Variants in SPAG16 observed in about 807,000 individuals in gnomAD.
SPAG16 encodes the protein sperm associated antigen 16.
SPAG16 carries 86 observed loss-of-function variants against 80.4 expected under a neutral mutation model. The observed-to-expected ratio is 1.07, with a 90% confidence interval of 0.90 to 1.28. The LOEUF (loss-of-function observed/expected upper bound fraction) is 1.28. SPAG16 is among the 50% of genes most tolerant of loss of function. The pLI, the probability that SPAG16 is intolerant of heterozygous loss-of-function variation, is 0.00. For missense variants in SPAG16, 870 were observed against 765.3 expected (o/e 1.14, Z -1.61); for synonymous variants, 294 against 265.9 (o/e 1.11, Z -1.03).
chr2:213,609,296 T>C (rs1025464728), intron 10 of SPAG16, among the ~76,000 whole-genome samples: 7 of 152,096 alleles, frequency 4.6e-5, no homozygotes, highest in African/African-American at 1.7e-4. Flanking sequence ...ACCATTTCAC[T>C]TACTTTTGGC....
chr2:214,403,050 A>T (rs1701801952), intron 15 of SPAG16, among the ~76,000 whole-genome samples: 2 of 151,194 alleles, frequency 1.3e-5, no homozygotes, highest in South Asian at 2.1e-4. Flanking sequence ...CAATCCAAAA[A>T]AAAAAAAAAA....
In SPAG16 at chr2:213,819,460, A is replaced by G. The variant is rs545788128; in HGVS notation, c.1071-43025A>G. Among the ~76,000 whole-genome samples, 10 of 152,252 alleles carry G rather than the reference A, an allele frequency of 6.6e-5. No homozygotes were observed. In the South Asian group the frequency reaches 2.1e-3, roughly 32 times the overall value. ...TCAGAAGGTAGATGGGAACTATTTT[A>G]TGTTCACTCTTATATTCTCAGTTAA... On this transcript the variant is annotated intron_variant, in intron 10 of 15. Transcript: ENST00000331683.
At chr2:213,372,970 G>T (rs920158417) in intron 8 of SPAG16, among the ~76,000 whole-genome samples, 1 of 152,096 alleles carries the variant, frequency 6.6e-6, no homozygotes, top group Admixed American at 6.6e-5. Flanking sequence ...GCACTGGAAG[G>T]TACAATAAAT....
At chr2:213,502,590 A>G (rs1029567975) in intron 10 of SPAG16, among the ~76,000 whole-genome samples, 1 of 152,276 alleles carries the variant, frequency 6.6e-6, no homozygotes, top group Non-Finnish European at 1.5e-5. Context: ...TTAAGAGATC[A>G]GCAAACAGTT....
intron 13 of SPAG16, among the ~76,000 whole-genome samples, chr2:214,050,568 A>G (rs1040400843): frequency 6.6e-6 from 1 of 151,956 alleles, no homozygotes; most frequent in Non-Finnish European, 1.5e-5. Context: ...CAGAATTGGG[A>G]CTCTTTTTAA....
chr2:213,820,792 T>C (rs2125692882), intron 10 of SPAG16, among the ~76,000 whole-genome samples: 1 of 152,226 alleles, frequency 6.6e-6, no homozygotes, highest in East Asian at 1.9e-4. Flanking sequence ...TTTTTATCTT[T>C]TTAATGTAAT....
chr2:214,263,245 A>T (rs1465297054), intron 15 of SPAG16, among the ~76,000 whole-genome samples: 1 of 152,090 alleles, frequency 6.6e-6, no homozygotes, highest in Admixed American at 6.6e-5. Flanking sequence ...CACATGCATA[A>T]ATTTTATATA....
At chr2:214,179,752 G>A (rs72941992) in intron 15 of SPAG16, among the ~76,000 whole-genome samples, 5 of 151,168 alleles carry the variant, frequency 3.3e-5, no homozygotes, top group Non-Finnish European at 7.4e-5. Context: ...CATGTATTTG[G>A]GAGTCTAGGT....
At chr2:213,492,245 A>G (rs560930647) in intron 10 of SPAG16, among the ~76,000 whole-genome samples, 1 of 152,268 alleles carries the variant, frequency 6.6e-6, no homozygotes, top group African/African-American at 2.4e-5. Flanking sequence ...TAGTTTCATA[A>G]TCTGTGTTCT....
At chr2:213,434,000 A>G (rs1456945064) in intron 9 of SPAG16, among the ~76,000 whole-genome samples, 1 of 146,012 alleles carries the variant, frequency 6.8e-6, no homozygotes, top group Non-Finnish European at 1.5e-5. Context: ...GGCTCACTGC[A>G]ACCTCTGCTT....
intron 10 of SPAG16, among the ~76,000 whole-genome samples, chr2:213,642,040 G>A (rs905988792): frequency 3.3e-5 from 5 of 152,178 alleles, no homozygotes; most frequent in African/African-American, 9.7e-5. Flanking sequence ...GACACATGGG[G>A]ATTACAGGTC....
At chr2:213,739,548 A>C (rs1247409981) in intron 10 of SPAG16, among the ~76,000 whole-genome samples, 2 of 152,196 alleles carry the variant, frequency 1.3e-5, no homozygotes, top group Non-Finnish European at 2.9e-5. Context: ...TCATTTATGG[A>C]AAAAATTGTT....
At chr2:213,559,349 G>T (rs571577350) in intron 10 of SPAG16, among the ~76,000 whole-genome samples, 7 of 152,178 alleles carry the variant, frequency 4.6e-5, no homozygotes, top group Middle Eastern at 3.4e-3. Context: ...TTCAGCAAAA[G>T]AATACAATTA....
Position 213,411,238 on chromosome 2 carries a change from T to G in SPAG16, c.942+36119T>G, listed in dbSNP as rs535451511. On this transcript the variant is annotated intron_variant, in intron 9 of 15. Transcript: ENST00000331683. Reference sequence around the variant, plus strand: ...GCAAGAGAAGCCCCTTATAGGTCTTTCGACTCTCAAGTCTATTTAAACGCA... The same window carrying G: ...GCAAGAGAAGCCCCTTATAGGTCTTGCGACTCTCAAGTCTATTTAAACGCA... 2.0e-5 allele frequency among the ~76,000 whole-genome samples: 3 copies of G among 152,328 alleles called. No homozygotes were observed. The South Asian group carries it at 6.2e-4, about 32-fold the overall frequency.
intron 11 of SPAG16, among the ~76,000 whole-genome samples, chr2:213,900,227 A>T (rs2077162868): frequency 6.6e-6 from 1 of 152,106 alleles, no homozygotes; most frequent in African/African-American, 2.4e-5. Flanking sequence ...AGAGAAGCAG[A>T]TGCATCACAG....
At chr2:214,362,526 T>G (rs879108797) in intron 15 of SPAG16, among the ~76,000 whole-genome samples, 1 of 151,942 alleles carries the variant, frequency 6.6e-6, no homozygotes, top group Non-Finnish European at 1.5e-5. Context: ...CTTTTTTTCT[T>G]AATGCGGGGA....
intron 10 of SPAG16, among the ~76,000 whole-genome samples, chr2:213,521,450 C>G (rs537263422): frequency 6.6e-6 from 1 of 152,298 alleles, no homozygotes; most frequent in African/African-American, 2.4e-5. Context: ...AGGAAGACTT[C>G]CAGGATGTTA....
chr2:213,989,781 A>G (rs762618175), intron 12 of SPAG16, among the ~76,000 whole-genome samples: 1 of 152,176 alleles, frequency 6.6e-6, no homozygotes, highest in Non-Finnish European at 1.5e-5. Context: ...TTGATTATAC[A>G]TAAATATAGG....
At chr2:214,151,298 A>C (rs2125575433) in intron 15 of SPAG16, among the ~76,000 whole-genome samples, 1 of 152,234 alleles carries the variant, frequency 6.6e-6, no homozygotes, top group Middle Eastern at 3.4e-3. Context: ...GAGAGAATGA[A>C]GAAAGAGGTG....
Sources: gnomAD v4.1 joint callset for allele counts (sites outside exome capture counted in the v4.1 genomes callset) on GRCh38, gnomAD v4.1.1 for gene constraint, MANE v1.5 for transcripts, NCBI Gene and HGNC (gene_info 2026-07-23, HGNC 2026-07-21) for gene names.